The following BPI variants were observed in gnomAD, a reference collection of about 807,000 sequenced individuals.
The protein encoded by BPI is bactericidal permeability increasing protein.
A neutral mutation model predicts 57.6 loss-of-function variants in BPI; 48 were observed. The ratio of observed to expected loss-of-function variants is 0.83; its 90% CI spans 0.66 to 1.06. The LOEUF (loss-of-function observed/expected upper bound fraction) is 1.06, where lower values mean the gene tolerates loss of function less well. BPI is among the 50% of genes least tolerant of loss of function. The pLI is 0.00. For missense variants in BPI, 651 were observed against 609.7 expected (o/e 1.07, Z -0.71); for synonymous variants, 237 against 238.2 (o/e 0.99, Z 0.05).
In BPI at chr20:38,310,499, G is replaced by A. The variant is rs1297551938; in HGVS notation, c.383G>A (p.Ser128Asn). Residue 128 changes from serine (S) to asparagine (N), a missense_variant, in exon 4 of 15, where the codon AGC becomes AAC. Transcript: ENST00000642449. ...WKAQKRFLKM[S>N]GNFDLSIEGM... ...TCTTTGTTCTTCTTCAGAAAAATGA[G>A]CGGCAATTTTGACCTGAGCATAGAA... 6.2e-7 allele frequency: 1 copy of A among 1,612,284 alleles called. No individual in the cohort carries two copies. Among genetic ancestry groups the A allele is most frequent in the Non-Finnish European group, 8.5e-7 (1 of 1,178,636 alleles).
intron 11 of BPI, among the ~76,000 whole-genome samples, chr20:38,330,450 C>T (rs374696520): frequency 6.6e-6 from 1 of 152,168 alleles, no homozygotes; most frequent in African/African-American, 2.4e-5. Context: ...TATGTTCCCC[C>T]CTTCCTCTGA....
At chr20:38,323,405 G>A (rs972038112) in intron 7 of BPI, among the ~76,000 whole-genome samples, 1 of 152,192 alleles carries the variant, frequency 6.6e-6, no homozygotes, top group Non-Finnish European at 1.5e-5. Context: ...AAGCACACAC[G>A]ACTCTCAAAA....
At chr20:38,329,439 A>G (rs1311277200) in intron 11 of BPI, among the ~76,000 whole-genome samples, 3 of 152,212 alleles carry the variant, frequency 2.0e-5, no homozygotes, top group Non-Finnish European at 1.5e-5. Flanking sequence ...CATCATGTTG[A>G]CAAGCATTAC....
intron 3 of BPI, among the ~76,000 whole-genome samples, chr20:38,309,891 G>A (rs1419948927): frequency 6.6e-6 from 1 of 152,164 alleles, no homozygotes; most frequent in Non-Finnish European, 1.5e-5. Flanking sequence ...AGGGGCGTGA[G>A]TCTGCCCGCC....
Position 38,327,588 on chromosome 20 carries a change from C to T in BPI, c.1162C>T (p.His388Tyr), listed in dbSNP as rs1356314042. Residue 388 changes from histidine to tyrosine, a missense_variant and splice_region_variant, in exon 11 of 15, where the codon CAC becomes TAC. Transcript: ENST00000642449. ...SLASLFLIGM[H>Y]TTGSMEVSAE... is the part of the protein sequence containing the mutation. ...TCACCCTGGGTTGTTGTTTTGGCAG[C>T]ACACAACTGGTTCCATGGAGGTCAG... 6.2e-7 allele frequency: 1 copy of T among 1,613,038 alleles called. No individual in the cohort carries two copies. The highest frequency in any genetic ancestry group is 1.3e-5 in the African/African-American group (1 of 75,016).
chr20:38,318,675 A>C (rs980302871), intron 6 of BPI, among the ~76,000 whole-genome samples, 199 bp downstream of exon 6: 2 of 151,390 alleles, frequency 1.3e-5, no homozygotes, highest in Non-Finnish European at 3.0e-5. Context: ...TGAGGAGGAC[A>C]AACAGCCCAT....
chr20:38,314,826 T>A (rs66495242), intron 5 of BPI, among the ~76,000 whole-genome samples: 63,920 of 147,784 alleles, frequency 0.43, 14,208 homozygotes, highest in East Asian at 0.71. Flanking sequence ...GTGGGGATGA[T>A]GATAATGGTG....
chr20:38,311,163 C>A (rs887780882), intron 4 of BPI, among the ~76,000 whole-genome samples: 2 of 152,204 alleles, frequency 1.3e-5, no homozygotes, highest in Non-Finnish European at 2.9e-5. Flanking sequence ...ATTATTACCC[C>A]ATTTTCTGGG....
intron 2 of BPI, 21 bp downstream of exon 2, chr20:38,307,702 A>C: frequency 6.4e-7 from 1 of 1,572,424 alleles, no homozygotes; most frequent in Non-Finnish European, 8.7e-7. Flanking sequence ...TCAGAGCTCA[A>C]TCCTCGATTT....
At chr20:38,317,953 G>C (rs913809989) in intron 5 of BPI, 1 of 985,228 alleles carries the variant, frequency 1.0e-6, no homozygotes, top group Non-Finnish European at 1.2e-6. Context: ...CCAAACATGA[G>C]GGTGCCCACC....
intron 1 of BPI, among the ~76,000 whole-genome samples, chr20:38,305,509 G>A (rs2076592812): frequency 6.6e-6 from 1 of 152,116 alleles, no homozygotes. Flanking sequence ...CTTTGGCATG[G>A]CATTTGAGAC....
At chr20:38,317,828 A>G in intron 5 of BPI, 1 of 1,508,062 alleles carries the variant, frequency 6.6e-7, no homozygotes, top group South Asian at 1.3e-5. Flanking sequence ...TGTGTGGCCC[A>G]AGTCAGATTT....
rs2076703840 is a variant in BPI at position 38,324,783 on chromosome 20, G to A, written c.943G>A (p.Glu315Lys). The A allele has an allele frequency of 1.9e-6, 3 of 1,612,284 alleles. No homozygotes were observed. Among genetic ancestry groups the A allele is most frequent in the Non-Finnish European group, 2.5e-6 (3 of 1,178,426 alleles). ...TCATCTCTTGCTACAGATTCCAAAG[G>A]AGTCCAAATTTCGACTGACAACCAA... is the stretch of plus-strand genomic sequence containing the variant. ...MTLRDDMIPK[E>K]SKFRLTTKFF... Residue 315 changes from glutamate (E) to lysine (K), a missense_variant, in exon 9 of 15, where the codon GAG becomes AAG. Glu to Lys is a moderately conservative substitution (Grantham distance 56). Transcript: ENST00000642449.
chr20:38,318,375 G>A lies in BPI; in HGVS notation c.601-38G>A, dbSNP rs765934187. On this transcript the variant is annotated intron_variant, in intron 5 of 14. Transcript: ENST00000642449. ...ATTGTCAAGGGACATTTTTCACTAT[G>A]GGAAGACCTTACTGATTACTTGTTT... is the stretch of plus-strand genomic sequence containing the variant. The A allele has an allele frequency of 8.9e-6, 14 of 1,581,050 alleles. No homozygotes were observed. In the South Asian group the frequency reaches 1.1e-4, roughly 13 times the overall value.
Position 38,318,415 on chromosome 20 carries a change from C to T in BPI, c.603C>T (p.Val201=). Residue 201 remains valine (V), a splice_region_variant and synonymous_variant, in exon 6 of 15, where the codon GTC becomes GTT. Coordinates refer to ENST00000642449, the MANE Select transcript of BPI (RefSeq NM_001725.3). Reference sequence around the variant, plus strand: ...ATTACTTGTTTGGTTCTCCCCAGGTCTGCGAGAAAGTGACCAATTCTGTAT... The same window carrying T: ...ATTACTTGTTTGGTTCTCCCCAGGTTTGCGAGAAAGTGACCAATTCTGTAT... ...SALRNKMNSQ[V]CEKVTNSVSS... is the part of the protein sequence containing the mutation. The T allele has an allele frequency of 3.7e-6, 6 of 1,613,302 alleles. No homozygotes were observed. The highest frequency in any genetic ancestry group is 5.1e-6 in the Non-Finnish European group (6 of 1,179,214).
In BPI at chr20:38,306,194, G is replaced by C. The variant is rs2076595860; in HGVS notation, c.131-1373G>C. Among the ~76,000 whole-genome samples, 4 of 152,146 alleles carry C rather than the reference G, an allele frequency of 2.6e-5. No homozygotes were observed. The South Asian group carries it at 8.3e-4, about 32-fold the overall frequency. ...TTACAGGCGTGCACCATCACACCCA[G>C]CTAATTTTTTGTATTTTTAGTAGAG... is the stretch of plus-strand genomic sequence containing the variant. On this transcript the variant is annotated intron_variant, in intron 1 of 14. Transcript: ENST00000642449.
chr20:38,318,295 G>C, intron 5 of BPI, 118 bp from the exon 6 acceptor site: 1 of 1,238,820 alleles, frequency 8.1e-7, no homozygotes, highest in Non-Finnish European at 1.2e-6. Flanking sequence ...AAACTTGATT[G>C]GCTACATAAT....
chr20:38,322,889 C>A (rs144383722), intron 7 of BPI, among the ~76,000 whole-genome samples: 1 of 152,164 alleles, frequency 6.6e-6, no homozygotes, highest in Admixed American at 6.5e-5. Flanking sequence ...GGATTACAGG[C>A]GTGAGCACTG....
chr20:38,324,162 C>G (rs1013528166), intron 8 of BPI, 116 bp downstream of exon 8: 66 of 1,227,434 alleles, frequency 5.4e-5, no homozygotes, highest in Non-Finnish European at 7.0e-5. Context: ...AGTGTTGACT[C>G]TAGAGTCAGC....
Sources: allele counts gnomAD v4.1 joint callset (sites outside exome capture counted in the v4.1 genomes callset), GRCh38; gene constraint gnomAD v4.1.1; transcripts MANE v1.5; gene names NCBI Gene and HGNC (gene_info 2026-07-23, HGNC 2026-07-21).